The following KMT2D variants were observed in gnomAD, a reference collection of about 807,000 sequenced individuals.
KMT2D encodes the protein histone-lysine N-methyltransferase 2D.
Under a neutral mutation model 512.7 loss-of-function variants are expected in KMT2D, and 55 were observed. The observed-to-expected ratio is 0.11, with a 90% confidence interval of 0.09 to 0.13. The LOEUF (loss-of-function observed/expected upper bound fraction) is 0.13, where lower values mean the gene tolerates loss of function less well. Among genes scored for constraint, KMT2D ranks in the 10% least tolerant of loss-of-function variants. KMT2D has a pLI of 1.00. For synonymous variants in KMT2D, 2,995 were observed against 2,904.0 expected (o/e 1.03, Z -1.01); for missense variants, 6,061 against 7,127.9 (o/e 0.85, Z 5.39).
At position 49,026,894 on chromosome 12, in the gene KMT2D, C is replaced by G. The variant is rs773675827; in HGVS notation, c.15072G>C (p.Lys5024Asn). The stretch of plus-strand genomic sequence containing the variant: ...AGCAGCGACGCATGTCTCGCGGTAC[C>G]TTGTCAGGTCGCAAGGCTGTGCCAA... ...EQLGTALRPDKVPRDMRRCCF... is the reference protein window; with the variant it reads ...EQLGTALRPDNVPRDMRRCCF... The change falls in exon 49 of 55, where the codon AAG becomes AAC. Residue 5024 changes from lysine to asparagine, a missense_variant. By Grantham distance (94) the Lys-to-Asn change is moderately conservative (BLOSUM62 0). This residue lies in a region of KMT2D where 1,600 missense variants were observed against 1,754.9 expected (regional missense o/e 0.91). Coordinates refer to ENST00000301067, the MANE Select transcript of KMT2D (RefSeq NM_003482.4). The surrounding 1 kb of genome is among the most constrained non-coding windows in gnomAD (Gnocchi z 9.6). 1 of 1,614,048 alleles carries G rather than the reference C, an allele frequency of 6.2e-7. No individual in the cohort carries two copies. The highest frequency in any genetic ancestry group is 1.7e-5 in the Admixed American group (1 of 60,034).
chr12:49,043,540 C>T (rs757520508), intron 24 of KMT2D, 95 bp downstream of exon 24: 132 of 1,594,996 alleles, frequency 8.3e-5, no homozygotes, highest in Non-Finnish European at 1.1e-4. Flanking sequence ...CCCTTGACTC[C>T]TGGAGGCCAG....
At position 49,039,138 on chromosome 12, in the gene KMT2D, G is replaced by A. The variant is rs577755438; in HGVS notation, c.8366+84C>T. On this transcript the variant is annotated intron_variant, in intron 34 of 54. Transcript: ENST00000301067. This position sits in a 1 kb window ranked among gnomAD's most constrained non-coding sequence, Gnocchi z 5.0. Reference sequence around the variant, plus strand: ...AAAGTGATACTGGAAAAGGATTAGTGATACAGGAAAATCACAAGAGCTTCC... The same window carrying A: ...AAAGTGATACTGGAAAAGGATTAGTAATACAGGAAAATCACAAGAGCTTCC... The A allele has an allele frequency of 6.4e-7, 1 of 1,569,502 alleles. No homozygotes were observed. Among genetic ancestry groups the A allele is most frequent in the Non-Finnish European group, 8.7e-7 (1 of 1,146,410 alleles).
In KMT2D at chr12:49,024,948, TAAG is replaced by T; in HGVS notation, c.15785-5_15785-3del. The T allele has an allele frequency of 1.9e-6, 3 of 1,589,040 alleles. No individual in the cohort carries two copies. Among genetic ancestry groups the T allele is most frequent in the Non-Finnish European group, 1.7e-6 (2 of 1,167,670 alleles). On this transcript the variant is annotated splice_polypyrimidine_tract_variant and splice_region_variant and intron_variant, in intron 49 of 54. Transcript: ENST00000301067. This position sits in a 1 kb window ranked among gnomAD's most constrained non-coding sequence, Gnocchi z 4.5. ...GCTCAATGATGCGATTCCACACGGC[TAAG>T]AAGCAGGGAAGAGAGCAGTCCTCAG...
chr12:49,034,630 C>T lies in KMT2D; in HGVS notation c.10392G>A (p.Gly3464=), dbSNP rs367726813. The T allele has an allele frequency of 5.6e-5, 90 of 1,613,646 alleles. 1 individual carries two copies. In the African/African-American group the frequency reaches 1.2e-3, roughly 21 times the overall value. Reference sequence around the variant, plus strand: ...GGTTCTGCAGATCACTGCTAGGTCCCCCCGAGAGCCTCTGGGCTAGCAGAG... The same window carrying T: ...GGTTCTGCAGATCACTGCTAGGTCCTCCCGAGAGCCTCTGGGCTAGCAGAG... The part of the protein sequence containing the change: ...QVSLLAQRLS[G]GPSSDLQNHV... Residue 3464 remains glycine (G), a synonymous_variant, in exon 37 of 55, where the codon GGG becomes GGA. Coordinates refer to ENST00000301067, the MANE Select transcript of KMT2D (RefSeq NM_003482.4).
chr12:49,030,529 C>G, intron 42 of KMT2D, 72 bp downstream of exon 42: 2 of 1,489,466 alleles, frequency 1.3e-6, no homozygotes, highest in Non-Finnish European at 1.8e-6. Flanking sequence ...GCAATTCCCT[C>G]AAGTTTTCTA....
At position 49,044,913 on chromosome 12, in the gene KMT2D, G is replaced by C. The variant is rs2120589440; in HGVS notation, c.4794C>G (p.Ala1598=). The part of the protein sequence containing the change: ...EGVWLTETGM[A]LLRNLTMSPL... Reference sequence around the variant, plus strand: ...GTGACATGGTCAGGTTACGCAGCAAGGCCATGCCAGTTTCTGTCAGCCACA... The same window carrying C: ...GTGACATGGTCAGGTTACGCAGCAACGCCATGCCAGTTTCTGTCAGCCACA... The change falls in exon 20 of 55, where the codon GCC becomes GCG. Residue 1598 remains alanine, a synonymous_variant. Transcript: ENST00000301067. This position sits in a 1 kb window ranked among gnomAD's most constrained non-coding sequence, Gnocchi z 6.4. The C allele has an allele frequency of 6.2e-7, 1 of 1,614,086 alleles. No homozygotes were observed. Among genetic ancestry groups the C allele is most frequent in the African/African-American group, 1.3e-5 (1 of 75,070 alleles).
Position 49,038,809 on chromosome 12 carries a change from G to A in KMT2D, c.8547C>T (p.Ala2849=), listed in dbSNP as rs368381758. 391 of 1,571,828 alleles carry A rather than the reference G, an allele frequency of 2.5e-4. 1 individual carries two copies. The highest frequency in any genetic ancestry group is 1.0e-3 in the Middle Eastern group (6 of 6,008). ...STPGPELGRQ[A]LGSPLAGIST... ...AAATTCCCGCCAACGGGGAACCTAGGGCTTGGCGGCCAAGTTCAGGTCCAG... is the reference window on the plus strand; with the variant it reads ...AAATTCCCGCCAACGGGGAACCTAGAGCTTGGCGGCCAAGTTCAGGTCCAG... The change falls in exon 35 of 55, where the codon GCC becomes GCT. Residue 2849 remains alanine, a synonymous_variant. Coordinates refer to ENST00000301067, the MANE Select transcript of KMT2D (RefSeq NM_003482.4). The surrounding 1 kb of genome is among the most constrained non-coding windows in gnomAD (Gnocchi z 5.7).
chr12:49,055,914 C>T (rs539033714), intron 1 of KMT2D, among the ~76,000 whole-genome samples: 4 of 152,150 alleles, frequency 2.6e-5, no homozygotes, highest in Admixed American at 6.5e-5. Flanking sequence ...TCTCCCCCAC[C>T]GCCACTTGTT....
rs1399516081 is a variant in KMT2D, at chr12:49,043,372, C to T, written c.5524G>A (p.Asp1842Asn). 15 of 1,613,812 alleles carry T rather than the reference C, an allele frequency of 9.3e-6. 1 individual carries two copies. The highest frequency in any genetic ancestry group is 1.6e-4 in the Middle Eastern group (1 of 6,084). The change falls in exon 25 of 55, where the codon GAT becomes AAT. Residue 1842 changes from aspartate (D) to asparagine (N), a missense_variant. Physicochemically the swap from Asp to Asn is conservative, Grantham distance 23 (BLOSUM62 1). Transcript: ENST00000301067. ...EESRGLEGKA[D>N]TPGPEDGGVK... ...CCCCGGCAGCCCTCACCTGGTGTAT[C>T]GGCTTTGCCCTCGAGGCCACGGGAT... is the stretch of plus-strand genomic sequence containing the variant.
At position 49,032,434 on chromosome 12, in the gene KMT2D, G is replaced by A. The variant is rs892835082; in HGVS notation, c.12271C>T (p.Leu4091=). 22 of 1,575,340 alleles carry A rather than the reference G, an allele frequency of 1.4e-5. No individual in the cohort carries two copies. Among genetic ancestry groups the A allele is most frequent in the Non-Finnish European group, 1.8e-5 (21 of 1,160,458 alleles). The stretch of plus-strand genomic sequence containing the variant: ...CCTGGAAGCCTCAGAGGTGGCTGCA[G>A]CTGCAGAGAGCTGGGCTGAGGCTGG... ...QPQPQPSSLQ[L]QPPLRLPGQQ... Residue 4091 remains leucine, a synonymous_variant, in exon 40 of 55, where the codon CTG becomes TTG. Coordinates refer to ENST00000301067, the MANE Select transcript of KMT2D (RefSeq NM_003482.4).
chr12:49,033,122 T>C lies in KMT2D; in HGVS notation c.11583A>G (p.Gln3861=), dbSNP rs878924583. Residue 3861 remains glutamine (Q), a synonymous_variant, in exon 40 of 55, where the codon CAA becomes CAG. Transcript: ENST00000301067. ...TGGACCCTTGCTGTTGGTGCTGTTG[T>C]TGCTGCTGCTGCTGCTGGGCTGTGA... The part of the protein sequence containing the change: ...RLVTAQQQQQ[Q]QQHQQQGSMA... 2.1e-4 allele frequency: 331 copies of C among 1,551,268 alleles called. 5 individuals are homozygous for C. The South Asian group carries it at 3.6e-3, about 17-fold the overall frequency.
Position 49,031,587 on chromosome 12 carries a change from C to A in KMT2D, c.13118G>T (p.Gly4373Val), listed in dbSNP as rs770966197. 2.5e-6 allele frequency: 4 copies of A among 1,599,438 alleles called. No homozygotes were observed. The South Asian group carries it at 3.4e-5, about 13-fold the overall frequency. ...GTCTGGGGGATCCCAAGGTCCCAGACCCTTGCTAAACAAGGTATCTGCAAG... is the reference window on the plus strand; with the variant it reads ...GTCTGGGGGATCCCAAGGTCCCAGAACCTTGCTAAACAAGGTATCTGCAAG... ...AQLADTLFSK[G>V]LGPWDPPDNL... The change falls in exon 40 of 55, where the codon GGT (glycine) becomes GTT (valine). Residue 4373 changes from glycine to valine, a missense_variant. Gly to Val is a moderately radical substitution (Grantham distance 109). Around this residue, in one of 16 missense-constraint regions of KMT2D, gnomAD observed 1,600 missense variants for 1,754.9 expected, o/e 0.91. Transcript: ENST00000301067.
In KMT2D at chr12:49,040,198, C is replaced by T. The variant is rs772878105; in HGVS notation, c.7572G>A (p.Thr2524=). Residue 2524 remains threonine (T), a synonymous_variant, in exon 32 of 55, where the codon ACG becomes ACA. Coordinates refer to ENST00000301067, the MANE Select transcript of KMT2D (RefSeq NM_003482.4). Reference sequence around the variant, plus strand: ...GAGAGGGGGTGCCCACAAATGCACCCGTCCCAGGGGACCGGACAAAATTGG... The same window carrying T: ...GAGAGGGGGTGCCCACAAATGCACCTGTCCCAGGGGACCGGACAAAATTGG... The part of the protein sequence containing the change: ...QPPNFVRSPG[T]GAFVGTPSPM... The T allele has an allele frequency of 3.5e-5, 57 of 1,613,346 alleles. No homozygotes were observed. The Admixed American group carries it at 6.3e-4, about 18-fold the overall frequency.
At chr12:49,035,196 A>G (rs530955599) in intron 35 of KMT2D, among the ~76,000 whole-genome samples, 1 of 152,344 alleles carries the variant, frequency 6.6e-6, no homozygotes, top group Non-Finnish European at 1.5e-5. Context: ...ATTTCACCTC[A>G]GTTTACCCTT....
rs1281138364 is a variant in KMT2D, at chr12:49,040,325, C to A, written c.7445G>T (p.Gly2482Val). Residue 2482 changes from glycine to valine, a missense_variant, in exon 32 of 55, where the codon GGG becomes GTG. By Grantham distance (109) the Gly-to-Val change is moderately radical. This residue lies in a region of KMT2D where 710 missense variants were observed against 647.3 expected (regional missense o/e 1.10). Coordinates refer to ENST00000301067, the MANE Select transcript of KMT2D (RefSeq NM_003482.4). The part of the protein sequence containing the change: ...PQPPEVAFKA[G>V]SLAHTSLGAG... ...CCCCAGCGAAGTGTGGGCTAGAGAC[C>A]CAGCCTTAAAGGCAACTTCAGGGGG... is the stretch of plus-strand genomic sequence containing the variant. 1 of 1,575,642 alleles carries A rather than the reference C, an allele frequency of 6.3e-7. No individual in the cohort carries two copies. Among genetic ancestry groups the A allele is most frequent in the Non-Finnish European group, 8.6e-7 (1 of 1,160,644 alleles).
chr12:49,050,093 A>G lies in KMT2D; in HGVS notation c.3495T>C (p.Pro1165=). The change falls in exon 12 of 55, where the codon CCT becomes CCC. Residue 1165 remains proline, a synonymous_variant. Transcript: ENST00000301067. ...GCTTGCATTCGGGGTAGACCTCCAT[A>G]GGGGTCACAGGGGCCAGCTCCTCGG... ...LDPEELAPVT[P]MEVYPECKQT... 1 of 1,613,546 alleles carries G rather than the reference A, an allele frequency of 6.2e-7. No homozygotes were observed. The highest frequency in any genetic ancestry group is 8.5e-7 in the Non-Finnish European group (1 of 1,179,768).
rs1361468544 is a variant in KMT2D, at chr12:49,051,643, C to T, written c.2040G>A (p.Thr680=). 2.6e-6 allele frequency: 4 copies of T among 1,554,824 alleles called. No homozygotes were observed. Among genetic ancestry groups the T allele is most frequent in the Middle Eastern group, 1.7e-4 (1 of 5,754 alleles). Residue 680 remains threonine (T), a synonymous_variant, in exon 11 of 55, where the codon ACG becomes ACA. Coordinates refer to ENST00000301067, the MANE Select transcript of KMT2D (RefSeq NM_003482.4). ...PLSPPPEESP[T]SPPPEASRLS... is the part of the protein sequence containing the mutation. Reference sequence around the variant, plus strand: ...GGCGTGAAGCCTCAGGTGGAGGGGACGTGGGAGACTCCTCAGGCGGTGGGG... The same window carrying T: ...GGCGTGAAGCCTCAGGTGGAGGGGATGTGGGAGACTCCTCAGGCGGTGGGG...
At position 49,022,735 on chromosome 12, in the gene KMT2D, T is replaced by C. The variant is rs2137707132; in HGVS notation, c.16193A>G (p.Asn5398Ser). 1 of 1,613,920 alleles carries C rather than the reference T, an allele frequency of 6.2e-7. No homozygotes were observed. Among genetic ancestry groups the C allele is most frequent in the South Asian group, 1.1e-5 (1 of 91,076 alleles). ...YRRLRTEWKN[N>S]VYLARSRIQG... ...GATACGGGAGCGAGCCAGGTACACG[T>C]TGTTCTTCCATTCGGTGCGCAGCCG... is the stretch of plus-strand genomic sequence containing the variant. Residue 5398 changes from asparagine (N) to serine (S), a missense_variant, in exon 52 of 55, where the codon AAC becomes AGC. By Grantham distance (46) the Asn-to-Ser change is conservative (BLOSUM62 1). Coordinates refer to ENST00000301067, the MANE Select transcript of KMT2D (RefSeq NM_003482.4). This position sits in a 1 kb window ranked among gnomAD's most constrained non-coding sequence, Gnocchi z 8.6.
In KMT2D at chr12:49,046,515, C is replaced by A. The variant is rs1943792734; in HGVS notation, c.4419-91G>T. 1.9e-6 allele frequency: 3 copies of A among 1,576,316 alleles called. No homozygotes were observed. The highest frequency in any genetic ancestry group is 3.4e-5 in the Admixed American group (2 of 58,118). ...CCGGAAACCCAAGCCACCAGCCTGG[C>A]CTCCTAAACCCAGCCTCTGTCACAT... On this transcript the variant is annotated intron_variant, in intron 16 of 54. Transcript: ENST00000301067. The surrounding 1 kb of genome is among the most constrained non-coding windows in gnomAD (Gnocchi z 4.2).
Sources: allele counts gnomAD v4.1 joint callset (sites outside exome capture counted in the v4.1 genomes callset), GRCh38; gene constraint gnomAD v4.1.1; regional missense constraint gnomAD v4.1.1; non-coding constraint Gnocchi (gnomAD v3.1); transcripts MANE v1.5; gene names NCBI Gene and HGNC (gene_info 2026-07-23, HGNC 2026-07-21).